The following NCKAP5 variants were observed in gnomAD, a reference collection of about 807,000 sequenced individuals.
NCKAP5 encodes the protein nck-associated protein 5.
NCKAP5 carries 92 observed loss-of-function variants against 167.0 expected under a neutral mutation model. That is an observed-to-expected ratio of 0.55 (90% confidence interval 0.47 to 0.66). The LOEUF (loss-of-function observed/expected upper bound fraction) is 0.66, where lower values mean the gene tolerates loss of function less well. NCKAP5 is among the 30% of genes least tolerant of loss of function. NCKAP5 has a pLI of 0.00. For missense variants in NCKAP5, 2,378 were observed against 2,315.0 expected (o/e 1.03, Z -0.56); for synonymous variants, 891 against 877.4 (o/e 1.02, Z -0.27).
chr2:133,062,956 T>A (rs2080061395), intron 6 of NCKAP5, among the ~76,000 whole-genome samples: 1 of 152,242 alleles, frequency 6.6e-6, no homozygotes. Flanking sequence ...AGGATGTGAA[T>A]GTATTAGGCA....
chr2:133,380,366 T>G (rs1464846469), intron 3 of NCKAP5, among the ~76,000 whole-genome samples: 2 of 152,198 alleles, frequency 1.3e-5, no homozygotes, highest in Non-Finnish European at 2.9e-5. Flanking sequence ...TTTTTTAATG[T>G]TATAAATAAC....
At chr2:132,725,953 T>A (rs1177866987) in intron 18 of NCKAP5, among the ~76,000 whole-genome samples, 194 bp from the exon 19 acceptor site, 2 of 152,184 alleles carry the variant, frequency 1.3e-5, no homozygotes, top group Admixed American at 6.5e-5. Flanking sequence ...GAGCTGATGC[T>A]GTCTACTCAA....
intron 16 of NCKAP5, among the ~76,000 whole-genome samples, chr2:132,765,975 G>A (rs552786927): frequency 9.9e-5 from 15 of 152,048 alleles, no homozygotes; most frequent in Admixed American, 5.9e-4. Flanking sequence ...AGGTAACTTC[G>A]GGAATGAAAA....
the NCKAP5 span, among the ~76,000 whole-genome samples, chr2:133,659,476 CAAAAGA>C: frequency 1.3e-5 from 2 of 151,840 alleles, no homozygotes; most frequent in African/African-American, 4.8e-5. Context: ...ACACAAGCAA[CAAAAGA>C]AAAAGTTAGA....
intron 6 of NCKAP5, among the ~76,000 whole-genome samples, chr2:133,090,893 T>C (rs2149634931): frequency 6.6e-6 from 1 of 152,194 alleles, no homozygotes; most frequent in South Asian, 2.1e-4. Context: ...GCTGATGTGG[T>C]TTGGGTCTGT....
At chr2:132,805,634 G>C (rs973511700) in intron 11 of NCKAP5, among the ~76,000 whole-genome samples, 1 of 143,134 alleles carries the variant, frequency 7.0e-6, no homozygotes, top group Non-Finnish European at 1.5e-5. Flanking sequence ...TGTAAATTTG[G>C]ACCTAACTGA....
chr2:133,285,138 G>T (rs2090061002), intron 4 of NCKAP5, among the ~76,000 whole-genome samples: 1 of 152,148 alleles, frequency 6.6e-6, no homozygotes, highest in Non-Finnish European at 1.5e-5. Flanking sequence ...AAGTGAATCT[G>T]CTTTTTGCCT....
chr2:133,328,689 C>T (rs1287439082), intron 3 of NCKAP5, among the ~76,000 whole-genome samples: 1 of 152,094 alleles, frequency 6.6e-6, no homozygotes, highest in Non-Finnish European at 1.5e-5. Flanking sequence ...GGAGTGAAAG[C>T]ACCTAACCTA....
intron 3 of NCKAP5, among the ~76,000 whole-genome samples, chr2:133,333,350 G>T (rs1008366294): frequency 6.6e-6 from 1 of 152,126 alleles, no homozygotes; most frequent in East Asian, 1.9e-4. Flanking sequence ...ATGATACATC[G>T]GAAGAGGAAA....
intron 19 of NCKAP5, among the ~76,000 whole-genome samples, chr2:132,700,845 C>T (rs891634899): frequency 1.4e-4 from 21 of 147,542 alleles, no homozygotes; most frequent in Admixed American, 1.4e-3. Context: ...TTTCTTAAGA[C>T]AATCCATTTC....
chr2:132,943,898 CCTGGGG>C (rs1474033659), intron 8 of NCKAP5, among the ~76,000 whole-genome samples: 3 of 152,152 alleles, frequency 2.0e-5, no homozygotes, highest in African/African-American at 7.2e-5. Flanking sequence ...TACGTAGCCT[CCTGGGG>C]CTGGGTGAAG....
chr2:133,149,812 G>C (rs920349359), intron 5 of NCKAP5, among the ~76,000 whole-genome samples: 5 of 152,000 alleles, frequency 3.3e-5, no homozygotes, highest in African/African-American at 4.8e-5. Flanking sequence ...TACTTAAGGG[G>C]GACTATTGTT....
At chr2:132,960,531 T>G (rs2076480949) in intron 8 of NCKAP5, among the ~76,000 whole-genome samples, 1 of 152,104 alleles carries the variant, frequency 6.6e-6, no homozygotes, top group Admixed American at 6.6e-5. Flanking sequence ...AGGGTTGGAT[T>G]TTGGAAAAAT....
chr2:133,387,914 C>T (rs1158426180), intron 3 of NCKAP5, among the ~76,000 whole-genome samples: 2 of 152,218 alleles, frequency 1.3e-5, no homozygotes, highest in East Asian at 1.9e-4. Context: ...AAGGACTTCT[C>T]TGCATTGGTT....
chr2:133,015,395 T>C (rs2078296118), intron 6 of NCKAP5, among the ~76,000 whole-genome samples: 2 of 152,072 alleles, frequency 1.3e-5, no homozygotes, highest in South Asian at 4.1e-4. Context: ...TGACTTTTCA[T>C]TTTTTGGTCC....
intron 4 of NCKAP5, among the ~76,000 whole-genome samples, chr2:133,231,300 C>T (rs1170062111): frequency 1.3e-5 from 2 of 152,118 alleles, no homozygotes; most frequent in African/African-American, 2.4e-5. Context: ...AAAAGGAAAA[C>T]ACATGGAAAT....
chr2:133,197,251 C>T (rs1023700486), intron 5 of NCKAP5, among the ~76,000 whole-genome samples: 2 of 151,982 alleles, frequency 1.3e-5, no homozygotes, highest in African/African-American at 4.8e-5. Context: ...ATCATAAACA[C>T]CACAAAGAAG....
intron 3 of NCKAP5, among the ~76,000 whole-genome samples, chr2:133,422,457 C>T (rs989263170): frequency 2.6e-5 from 4 of 152,126 alleles, no homozygotes; most frequent in East Asian, 3.9e-4. Context: ...TGCTACAAAT[C>T]GAGGGGGATT....
chr2:133,347,809 G>C (rs942505100), intron 3 of NCKAP5, among the ~76,000 whole-genome samples: 3 of 152,088 alleles, frequency 2.0e-5, no homozygotes. Context: ...GACCTACAAG[G>C]CTGGGCCCAC....
Sources: gnomAD v4.1 joint callset for allele counts (sites outside exome capture counted in the v4.1 genomes callset) on GRCh38, gnomAD v4.1.1 for gene constraint, MANE v1.5 for transcripts, NCBI Gene and HGNC (gene_info 2026-07-23, HGNC 2026-07-21) for gene names.